The following NELL2 variants were observed in gnomAD, a reference collection of about 807,000 sequenced individuals.
NELL2 encodes neural EGFL like 2.
A neutral mutation model predicts 109.6 loss-of-function variants in NELL2; 41 were observed. That is an observed-to-expected ratio of 0.37 (90% CI 0.29 to 0.49). NELL2 has a LOEUF of 0.49. Among genes scored for constraint, NELL2 ranks in the 20% least tolerant of loss-of-function variants. The probability of loss-of-function intolerance (pLI) is 0.98; values close to 1 mark genes in which losing one functional copy is unlikely to be tolerated. For missense variants in NELL2, 900 were observed against 1,008.3 expected (o/e 0.89, Z 1.45); for synonymous variants, 355 against 344.7 (o/e 1.03, Z -0.33).
chr12:44,565,839 G>T (rs1039550492), intron 15 of NELL2, among the ~76,000 whole-genome samples: 2 of 152,142 alleles, frequency 1.3e-5, no homozygotes, highest in Non-Finnish European at 2.9e-5. Flanking sequence ...GAAGGAATGG[G>T]AAACGAGAGA....
intron 13 of NELL2, among the ~76,000 whole-genome samples, chr12:44,630,944 C>T: frequency 6.6e-6 from 1 of 151,876 alleles, no homozygotes; most frequent in Non-Finnish European, 1.5e-5. Flanking sequence ...TTGTGTTGGC[C>T]CCCTTGCCTA....
In NELL2 at chr12:44,548,520, G is replaced by A. The variant is rs141993319; in HGVS notation, c.1664-15799C>T. Among the ~76,000 whole-genome samples, 921 of 149,294 alleles carry A rather than the reference G, an allele frequency of 6.2e-3. 8 individuals are homozygous for A. Among genetic ancestry groups the A allele is most frequent in the African/African-American group, 0.021 (865 of 40,302 alleles). ...ACATCGCACCACTGCACACCAGCCC[G>A]GGTGACAGTGTGAGACTCCGTCTAA... On this transcript the variant is annotated intron_variant, in intron 15 of 19. Transcript: ENST00000429094.
chr12:44,698,811 C>G (rs941794324), intron 12 of NELL2, among the ~76,000 whole-genome samples: 1 of 152,158 alleles, frequency 6.6e-6, no homozygotes, highest in African/African-American at 2.4e-5. Flanking sequence ...ATGCAGGACT[C>G]TTCCTGTTCT....
At chr12:44,759,693 A>G (rs898250754) in intron 9 of NELL2, among the ~76,000 whole-genome samples, 5 of 152,176 alleles carry the variant, frequency 3.3e-5, no homozygotes, top group Admixed American at 6.5e-5. Flanking sequence ...ATGGGCTTCC[A>G]ATCCTCCATC....
intron 9 of NELL2, 98 bp from the exon 10 acceptor site, chr12:44,714,839 T>G: frequency 1.6e-6 from 1 of 641,130 alleles, no homozygotes; most frequent in Non-Finnish European, 2.5e-6. Flanking sequence ...GTTATACACC[T>G]TTTTTCAACA....
At position 44,520,076 on chromosome 12, in the gene NELL2, T is replaced by C; in HGVS notation, c.2329A>G (p.Met777Val). Residue 777 changes from methionine (M) to valine (V), a missense_variant, in exon 19 of 20, where the codon ATG becomes GTG. Coordinates refer to ENST00000429094, the MANE Select transcript of NELL2 (RefSeq NM_001145108.2). The stretch of plus-strand genomic sequence containing the variant: ...GACCCGGTGAAGCGAACCACATTCA[T>C]TTCGTCCAGGCAAGTCTTGGTGATG... ...NDITKTCLDE[M>V]NVVRFTGSSW... is the part of the protein sequence containing the mutation. The C allele has an allele frequency of 6.2e-7, 1 of 1,614,102 alleles. No homozygotes were observed. The highest frequency in any genetic ancestry group is 1.7e-5 in the Admixed American group (1 of 60,014).
At chr12:44,642,921 C>T (rs761066890) in intron 13 of NELL2, among the ~76,000 whole-genome samples, 9 of 152,014 alleles carry the variant, frequency 5.9e-5, no homozygotes, top group Non-Finnish European at 1.0e-4. Flanking sequence ...GGTTAGATCT[C>T]GTGTTATGTG....
At chr12:44,766,745 A>T (rs1941351696) in intron 9 of NELL2, among the ~76,000 whole-genome samples, 2 of 152,190 alleles carry the variant, frequency 1.3e-5, no homozygotes, top group South Asian at 4.1e-4. Flanking sequence ...CCTTCTGATC[A>T]CCTAAAGAAT....
chr12:44,752,654 C>T (rs968179027), intron 9 of NELL2, among the ~76,000 whole-genome samples: 3 of 152,178 alleles, frequency 2.0e-5, no homozygotes, highest in Admixed American at 1.3e-4. Context: ...TTCCTTGCTA[C>T]ATTCCCTAAA....
intron 15 of NELL2, among the ~76,000 whole-genome samples, chr12:44,575,666 G>C (rs564831208): frequency 6.6e-6 from 1 of 152,114 alleles, no homozygotes; most frequent in South Asian, 2.1e-4. Flanking sequence ...GCATGCTTTC[G>C]ATAATACATA....
At position 44,618,173 on chromosome 12, in the gene NELL2, T is replaced by G. The variant is rs992539027; in HGVS notation, c.1445-7203A>C. 2.0e-5 allele frequency among the ~76,000 whole-genome samples: 3 copies of G among 152,220 alleles called. No individual in the cohort carries two copies. In the East Asian group the frequency reaches 5.8e-4, roughly 29 times the overall value. ...GAAGTCATACTGTAAACTTATTTGA[T>G]GCCCATATCAGTAGCAAATTCTCTA... On this transcript the variant is annotated intron_variant, in intron 13 of 19. Coordinates refer to ENST00000429094, the MANE Select transcript of NELL2 (RefSeq NM_001145108.2).
chr12:44,780,377 A>C (rs1941913030), intron 3 of NELL2, among the ~76,000 whole-genome samples: 2 of 152,020 alleles, frequency 1.3e-5, no homozygotes, highest in Non-Finnish European at 2.9e-5. Flanking sequence ...TCAGTCTAGC[A>C]AGACAGAAAC....
At chr12:44,791,091 ATATATGTATATATATATG>A (rs1942379900) in intron 3 of NELL2, among the ~76,000 whole-genome samples, 1 of 14,644 alleles carries the variant, frequency 6.8e-5, no homozygotes, top group African/African-American at 1.6e-4. Flanking sequence ...ACATATATAT[ATATATGTATATATATATG>A]TATATATATA....
At chr12:44,665,296 C>T (rs1418924004) in intron 13 of NELL2, 188 bp downstream of exon 13, 2 of 413,532 alleles carry the variant, frequency 4.8e-6, no homozygotes, top group Non-Finnish European at 8.5e-6. Flanking sequence ...ATATATTTAT[C>T]CAGAGCAAGC....
At chr12:44,702,195 C>A (rs1009426365) in intron 12 of NELL2, among the ~76,000 whole-genome samples, 3 of 152,076 alleles carry the variant, frequency 2.0e-5, no homozygotes, top group African/African-American at 7.2e-5. Flanking sequence ...CATCCTGTTT[C>A]ATTTTCTTCC....
At chr12:44,849,325 A>G (rs1202336678) in intron 2 of NELL2, among the ~76,000 whole-genome samples, 1 of 152,200 alleles carries the variant, frequency 6.6e-6, no homozygotes, top group African/African-American at 2.4e-5. Context: ...AAATGAAAAA[A>G]TCCTACAAAC....
At chr12:44,873,181 C>T (rs965133275) in intron 2 of NELL2, among the ~76,000 whole-genome samples, 2 of 152,102 alleles carry the variant, frequency 1.3e-5, no homozygotes, top group Non-Finnish European at 2.9e-5. Context: ...CATAATTTGG[C>T]AGAAAATGAA....
chr12:44,635,712 T>C (rs995444190), intron 13 of NELL2, among the ~76,000 whole-genome samples: 7 of 152,356 alleles, frequency 4.6e-5, no homozygotes, highest in Middle Eastern at 6.8e-3. Flanking sequence ...TGAAGTCAGG[T>C]AGCATGATGC....
intron 15 of NELL2, among the ~76,000 whole-genome samples, chr12:44,559,016 T>A (rs1287821316): frequency 6.6e-6 from 1 of 152,104 alleles, no homozygotes; most frequent in East Asian, 1.9e-4. Context: ...TACTGAAGCT[T>A]GAGTAGATGG....
Sources: allele counts gnomAD v4.1 joint callset (sites outside exome capture counted in the v4.1 genomes callset), GRCh38; gene constraint gnomAD v4.1.1; transcripts MANE v1.5; gene names NCBI Gene and HGNC (gene_info 2026-07-23, HGNC 2026-07-21).